The following FNBP1 variants were observed in gnomAD, a reference collection of about 807,000 sequenced individuals.
FNBP1 encodes the protein formin binding protein 1.
FNBP1 carries 26 observed loss-of-function variants against 90.6 expected under a neutral mutation model. The observed-to-expected ratio is 0.29, with a 90% CI of 0.21 to 0.40. FNBP1 has a LOEUF of 0.40. Among genes scored for constraint, FNBP1 ranks in the 10% least tolerant of loss-of-function variants. FNBP1 has a pLI of 1.00. For synonymous variants in FNBP1, 260 were observed against 265.2 expected, an observed-to-expected ratio of 0.98 and a Z score of 0.19; for missense variants, 635 against 768.0, an observed-to-expected ratio of 0.83 and a Z score of 2.05.
intron 2 of FNBP1, among the ~76,000 whole-genome samples, chr9:129,990,183 A>C (rs1424917743): frequency 1.3e-5 from 2 of 152,256 alleles, no homozygotes; most frequent in African/African-American, 2.4e-5. Context: ...ATTTCAAGAC[A>C]TCATGTATAC....
chr9:129,940,244 CA>C (rs1388301910), intron 6 of FNBP1, among the ~76,000 whole-genome samples: 3 of 151,716 alleles, frequency 2.0e-5, no homozygotes, highest in Non-Finnish European at 4.4e-5. Flanking sequence ...ACAATGACAA[CA>C]AAACAACATT....
Position 130,042,171 on chromosome 9 carries a change from A to T in FNBP1, c.24+781T>A, listed in dbSNP as rs1342323115. On this transcript the variant is annotated intron_variant, in intron 1 of 16. Transcript: ENST00000446176. The surrounding 1 kb of genome is among the most constrained non-coding windows in gnomAD (Gnocchi z 5.5). Reference sequence around the variant, plus strand: ...TACCGTGCGCATCCCCCGGCCAAGCATCCCCGCAAGGCGCCCCTCACCGCC... The same window carrying T: ...TACCGTGCGCATCCCCCGGCCAAGCTTCCCCGCAAGGCGCCCCTCACCGCC... 1.3e-5 allele frequency among the ~76,000 whole-genome samples: 2 copies of T among 151,904 alleles called. No individual in the cohort carries two copies. Among genetic ancestry groups the T allele is most frequent in the African/African-American group, 4.8e-5 (2 of 41,372 alleles).
At chr9:129,977,593 G>A (rs2050534179) in intron 4 of FNBP1, among the ~76,000 whole-genome samples, 1 of 151,570 alleles carries the variant, frequency 6.6e-6, no homozygotes, top group Non-Finnish European at 1.5e-5. Context: ...CTGGGTTCAA[G>A]CAATTCTCGT....
At chr9:129,972,680 C>T (rs1244282965) in intron 4 of FNBP1, among the ~76,000 whole-genome samples, 6 of 151,238 alleles carry the variant, frequency 4.0e-5, no homozygotes, top group Admixed American at 6.6e-5. Context: ...TACAGGCACG[C>T]GCCACTGTGC....
intron 1 of FNBP1, among the ~76,000 whole-genome samples, chr9:130,006,396 G>A (rs2055699712): frequency 6.6e-6 from 1 of 152,256 alleles, no homozygotes; most frequent in African/African-American, 2.4e-5. Context: ...TCTGGAGGCA[G>A]AGGCAGGAGA....
Position 129,888,779 on chromosome 9 carries a change from T to C in FNBP1, c.*1760A>G. 4.3e-6 allele frequency: 1 copy of C among 233,120 alleles called. No individual in the cohort carries two copies. The highest frequency in any genetic ancestry group is 8.5e-6 in the Non-Finnish European group (1 of 117,938). 14.4% of individuals were successfully genotyped at this position (233,120 alleles called of 1,614,324 possible). On this transcript the variant is annotated 3_prime_UTR_variant, in exon 17 of 17. Transcript: ENST00000446176. ...TGGTGTGTGGTCAACCTTGGTTGGC[T>C]GAGAGGAGCAATTTCCTGGTTTCCA...
At position 129,968,555 on chromosome 9, in the gene FNBP1, C is replaced by A. The variant is rs76000351; in HGVS notation, c.345+9910G>T. On this transcript the variant is annotated intron_variant, in intron 4 of 16. Transcript: ENST00000446176. The stretch of plus-strand genomic sequence containing the variant: ...TTTTCCTAAATGTATTGGAGTCAGT[C>A]CATGCTGCAGAACTGGCTTATAGGA... Among the ~76,000 whole-genome samples the A allele has an allele frequency of 1.7e-4, 26 of 152,244 alleles. No homozygotes were observed. The East Asian group carries it at 4.8e-3, about 28-fold the overall frequency.
rs1477517504 is a variant in FNBP1, at chr9:129,979,662, C to T, written c.141-288G>A. 5.9e-5 allele frequency among the ~76,000 whole-genome samples: 9 copies of T among 151,590 alleles called. No individual in the cohort carries two copies. In the East Asian group the frequency reaches 7.8e-4, roughly 13 times the overall value. On this transcript the variant is annotated intron_variant, in intron 2 of 16. Transcript: ENST00000446176. ...GCAGTGGCTTTCTTTTTTTTTGAGA[C>T]GGAGTCTCATTCTGTTGCCCAGGCT...
intron 1 of FNBP1, among the ~76,000 whole-genome samples, chr9:130,035,494 T>A (rs1184910465): frequency 1.3e-5 from 2 of 152,214 alleles, no homozygotes; most frequent in Non-Finnish European, 2.9e-5. Context: ...TGACTCCATC[T>A]AAGCCTCTTC....
At chr9:130,018,467 TGTA>T (rs1230489780) in intron 1 of FNBP1, among the ~76,000 whole-genome samples, 1 of 152,178 alleles carries the variant, frequency 6.6e-6, no homozygotes, top group Non-Finnish European at 1.5e-5. Flanking sequence ...CGTCTCAGGC[TGTA>T]GAGCCTACAA....
chr9:130,032,816 C>T (rs1446484156), intron 1 of FNBP1, among the ~76,000 whole-genome samples: 2 of 151,794 alleles, frequency 1.3e-5, no homozygotes, highest in Admixed American at 6.6e-5. Context: ...CTTAAGAAGG[C>T]CCAAGTATAC....
chr9:130,043,321 C>G (rs898310943), upstream of FNBP1: 1 of 189,806 alleles, frequency 5.3e-6, no homozygotes, highest in Non-Finnish European at 1.1e-5. Context: ...CCCGGGCTCC[C>G]CCGGCCGGGT....
rs758381289 is a variant in FNBP1, at chr9:129,902,927, T to C, written c.1370A>G (p.Lys457Arg). The C allele has an allele frequency of 1.4e-5, 22 of 1,612,798 alleles. No homozygotes were observed. The highest frequency in any genetic ancestry group is 6.7e-5 in the African/African-American group (5 of 74,932). The change falls in exon 13 of 17, where the codon AAA (lysine) becomes AGA (arginine). Residue 457 changes from lysine to arginine, a missense_variant. By Grantham distance (26) the Lys-to-Arg change is conservative (BLOSUM62 2). Transcript: ENST00000446176. ...QMGDPASLDH[K>R]LAEVSQNIEK... ...TATATTTTGGCTGACTTCTGCTAAT[T>C]TGTGATCCAAACTGGCTGGGTCTCC...
At chr9:130,000,344 A>G (rs2054640056) in intron 1 of FNBP1, among the ~76,000 whole-genome samples, 1 of 151,986 alleles carries the variant, frequency 6.6e-6, no homozygotes, top group Non-Finnish European at 1.5e-5. Context: ...TACAAAAATT[A>G]GCTGGGTGTG....
chr9:130,045,971 C>T (rs778367403), upstream of FNBP1, among the ~76,000 whole-genome samples: 2 of 152,084 alleles, frequency 1.3e-5, no homozygotes, highest in South Asian at 2.1e-4. Flanking sequence ...TCTATGTAAA[C>T]GCTGATATTA....
chr9:130,026,243 C>A (rs903611530), intron 1 of FNBP1, among the ~76,000 whole-genome samples: 2 of 151,916 alleles, frequency 1.3e-5, no homozygotes, highest in African/African-American at 4.8e-5. Flanking sequence ...ACCTGTAATC[C>A]CAGAACTTTG....
the FNBP1 span, among the ~76,000 whole-genome samples, chr9:130,051,203 A>C: frequency 6.6e-6 from 1 of 151,670 alleles, no homozygotes; most frequent in East Asian, 1.9e-4. Flanking sequence ...CCCTGGCCTA[A>C]TTTTTGTATT....
intron 6 of FNBP1, among the ~76,000 whole-genome samples, chr9:129,948,251 C>A (rs981226864): frequency 6.6e-6 from 1 of 151,512 alleles, no homozygotes; most frequent in African/African-American, 2.4e-5. Flanking sequence ...CCAGCCTGAG[C>A]AACAAAGGGA....
intron 6 of FNBP1, among the ~76,000 whole-genome samples, chr9:129,956,955 C>T (rs1472213782): frequency 6.6e-6 from 1 of 151,966 alleles, no homozygotes; most frequent in Non-Finnish European, 1.5e-5. Flanking sequence ...CCTTTTGTGG[C>T]TACATTAGAA....
Sources: gnomAD v4.1 joint callset for allele counts (sites outside exome capture counted in the v4.1 genomes callset) on GRCh38, gnomAD v4.1.1 for gene constraint, Gnocchi (gnomAD v3.1) non-coding constraint, MANE v1.5 for transcripts, NCBI Gene and HGNC (gene_info 2026-07-23, HGNC 2026-07-21) for gene names.